The following NCAPD3 variants were observed in gnomAD, a reference collection of about 807,000 sequenced individuals.
NCAPD3 encodes condensin-2 complex subunit D3.
A neutral mutation model predicts 182.9 loss-of-function variants in NCAPD3; 105 were observed. The ratio of observed to expected loss-of-function variants is 0.57; its 90% CI spans 0.49 to 0.68. The LOEUF is 0.68. Ranked by LOEUF, NCAPD3 falls within the 30% of genes least tolerant of loss-of-function variation. The probability of loss-of-function intolerance (pLI) is 0.00; values close to 1 mark genes in which losing one functional copy is unlikely to be tolerated. For missense variants in NCAPD3, 1,944 were observed against 1,837.0 expected (o/e 1.06, Z -1.07); for synonymous variants, 815 against 679.9 (o/e 1.20, Z -3.09).
At position 134,164,106 on chromosome 11, in the gene NCAPD3, G is replaced by A. The variant is rs1308281523; in HGVS notation, c.3574-2215C>T. Among the ~76,000 whole-genome samples the A allele has an allele frequency of 3.3e-5, 5 of 152,096 alleles. No homozygotes were observed. In the South Asian group the frequency reaches 1.0e-3, roughly 32 times the overall value. ...TCCTTGGAGTCAAAAGCCTCCAGAG[G>A]CCAGGTGGGAAATACACATTGGCAA... is the stretch of plus-strand genomic sequence containing the variant. On this transcript the variant is annotated intron_variant, in intron 27 of 34. Transcript: ENST00000534548.
intron 24 of NCAPD3, among the ~76,000 whole-genome samples, chr11:134,170,993 G>C (rs1407809849): frequency 6.6e-6 from 1 of 152,194 alleles, no homozygotes; most frequent in Non-Finnish European, 1.5e-5. Flanking sequence ...TTTCTTGTTT[G>C]TCTGCTGAAA....
intron 22 of NCAPD3, chr11:134,177,678 T>C (rs939751891): frequency 3.5e-6 from 2 of 564,120 alleles, no homozygotes; most frequent in Non-Finnish European, 6.3e-6. Flanking sequence ...TTATATACTA[T>C]GGGATGTTCC....
Position 134,152,811 on chromosome 11 carries a change from G to A in NCAPD3, c.*133C>T. The A allele has an allele frequency of 1.5e-6, 1 of 681,812 alleles. No homozygotes were observed. Among genetic ancestry groups the A allele is most frequent in the Non-Finnish European group, 2.5e-6 (1 of 396,212 alleles). 42.2% of individuals were successfully genotyped at this position (681,812 alleles called of 1,614,324 possible). On this transcript the variant is annotated 3_prime_UTR_variant, in exon 35 of 35. Coordinates refer to ENST00000534548, the MANE Select transcript of NCAPD3 (RefSeq NM_015261.3). ...AGAAGGTGAGTGCCAGGCCCCTGAG[G>A]AGGAGCTCTCGTGTTCCACAGCAAA...
In NCAPD3 at chr11:134,192,708, T is replaced by C; in HGVS notation, c.2026A>G (p.Thr676Ala). Residue 676 changes from threonine to alanine, a missense_variant, in exon 16 of 35, where the codon ACC (threonine) becomes GCC (alanine). Transcript: ENST00000534548. Reference protein sequence around the residue: ...LAWALLTLLTTESQELSRYLN... With the variant: ...LAWALLTLLTAESQELSRYLN... ...ACCTACCTCAGTTCCTGGCTTTCGGTGGTGAGGAGAGTAAGAAGCGCCCAG... is the reference window on the plus strand; with the variant it reads ...ACCTACCTCAGTTCCTGGCTTTCGGCGGTGAGGAGAGTAAGAAGCGCCCAG... 1.2e-6 allele frequency: 2 copies of C among 1,614,064 alleles called. No homozygotes were observed. Among genetic ancestry groups the C allele is most frequent in the Non-Finnish European group, 1.7e-6 (2 of 1,179,938 alleles).
At position 134,185,414 on chromosome 11, in the gene NCAPD3, T is replaced by C. The variant is rs781647807; in HGVS notation, c.2158A>G (p.Met720Val). ...GAGCCAGCAATCTTGGAGAGCAGCA[T>C]CCAGGCAGGTGCCGAATGTTCCGTG... ...TGTEHSAPAW[M>V]LLSKIAGSSP... is the part of the protein sequence containing the mutation. Residue 720 changes from methionine to valine, a missense_variant, in exon 17 of 35, where the codon ATG becomes GTG. This residue lies in a region of NCAPD3 where 1,803 missense variants were observed against 1,674.6 expected (regional missense o/e 1.08). Coordinates refer to ENST00000534548, the MANE Select transcript of NCAPD3 (RefSeq NM_015261.3). 8.5e-5 allele frequency: 137 copies of C among 1,613,994 alleles called. No individual in the cohort carries two copies. The South Asian group carries it at 1.5e-3, about 17-fold the overall frequency.
chr11:134,158,670 C>G (rs547632719), intron 29 of NCAPD3, among the ~76,000 whole-genome samples, 175 bp from the exon 30 acceptor site: 1 of 152,282 alleles, frequency 6.6e-6, no homozygotes, highest in South Asian at 2.1e-4. Context: ...AGTATCTTTT[C>G]TTTGTGTTGG....
At chr11:134,172,080 A>T (rs1363558435) in intron 24 of NCAPD3, among the ~76,000 whole-genome samples, 1 of 152,170 alleles carries the variant, frequency 6.6e-6, no homozygotes, top group African/African-American at 2.4e-5. Context: ...ACTGGAAGAC[A>T]GCTGGAAGTG....
intron 16 of NCAPD3, chr11:134,185,951 A>G (rs966161602): frequency 1.4e-5 from 2 of 144,834 alleles, no homozygotes; most frequent in Admixed American, 7.1e-5. Flanking sequence ...TCTGTCGCCC[A>G]GGCTGGAGTG....
rs1484888966 is a variant in NCAPD3 at position 134,203,799 on chromosome 11, A to G, written c.1323T>C (p.His441=). ...LSLEHQKFLK[H]KFLVQEIMFD... ...ACATAATTTCCTGCACCAGGAACTTATGCTTTAAGAACTTCTGATGCTCCA... is the reference window on the plus strand; with the variant it reads ...ACATAATTTCCTGCACCAGGAACTTGTGCTTTAAGAACTTCTGATGCTCCA... Residue 441 remains histidine, a synonymous_variant, in exon 11 of 35, where the codon CAT becomes CAC. Coordinates refer to ENST00000534548, the MANE Select transcript of NCAPD3 (RefSeq NM_015261.3). 6.2e-7 allele frequency: 1 copy of G among 1,614,094 alleles called. No homozygotes were observed. The highest frequency in any genetic ancestry group is 1.3e-5 in the African/African-American group (1 of 74,934).
At chr11:134,165,897 G>C (rs1212862897) in intron 27 of NCAPD3, among the ~76,000 whole-genome samples, 23 of 126,732 alleles carry the variant, frequency 1.8e-4, no homozygotes, top group African/African-American at 4.6e-4. Flanking sequence ...CTTGGGGGAG[G>C]GGCACACTCA....
chr11:134,185,530 G>GA lies in NCAPD3; in HGVS notation c.2046-5dup, dbSNP rs761642300. The GA allele has an allele frequency of 4.3e-3, 5,985 of 1,379,116 alleles. No homozygotes were observed. Among genetic ancestry groups the GA allele is most frequent in the South Asian group, 7.6e-3 (533 of 70,356 alleles). The allele number at this position is 1,379,116 out of a possible 1,614,324, so 85.4% of individuals were successfully genotyped here. ...AAAAGCCTTATTTAAATATCGGCTG[G>GA]AAAAAAAAAAGATAGAAAAGCAGAA... On this transcript the variant is annotated splice_polypyrimidine_tract_variant and splice_region_variant and intron_variant, in intron 16 of 34. Transcript: ENST00000534548.
Position 134,223,956 on chromosome 11 carries a change from T to A in NCAPD3, c.-30A>T. 1 of 1,608,052 alleles carries A rather than the reference T, an allele frequency of 6.2e-7. No homozygotes were observed. The highest frequency in any genetic ancestry group is 1.1e-5 in the South Asian group (1 of 90,174). On this transcript the variant is annotated 5_prime_UTR_variant, in exon 1 of 35. Coordinates refer to ENST00000534548, the MANE Select transcript of NCAPD3 (RefSeq NM_015261.3). ...CCAGGGCACCGGCTCGCCGCCGCCG[T>A]GCTCAACTTTCAAAGCTCGCTCCCG...
At chr11:134,188,388 A>C (rs1188644814) in intron 16 of NCAPD3, among the ~76,000 whole-genome samples, 1 of 152,218 alleles carries the variant, frequency 6.6e-6, no homozygotes, top group Non-Finnish European at 1.5e-5. Flanking sequence ...CAAATAAGGG[A>C]ATAAAAGCTG....
intron 7 of NCAPD3, among the ~76,000 whole-genome samples, chr11:134,207,461 A>AT (rs1309168756): frequency 6.6e-6 from 1 of 152,110 alleles, no homozygotes; most frequent in African/African-American, 2.4e-5. Context: ...TTAAAAAAAA[A>AT]TACCGACTGG....
At chr11:134,158,538 A>T in intron 29 of NCAPD3, 43 bp from the exon 30 acceptor site, 1 of 1,579,776 alleles carries the variant, frequency 6.3e-7, no homozygotes, top group Non-Finnish European at 8.6e-7. Flanking sequence ...AATACTTTTT[A>T]AGTTTTCAAA....
At chr11:134,191,201 G>A (rs901690942) in intron 16 of NCAPD3, among the ~76,000 whole-genome samples, 1 of 152,246 alleles carries the variant, frequency 6.6e-6, no homozygotes, top group Non-Finnish European at 1.5e-5. Context: ...TTGTTTGTTT[G>A]TTTTAATGTC....
chr11:134,174,550 AAGGG>A (rs1944112360), intron 24 of NCAPD3, among the ~76,000 whole-genome samples: 1 of 152,068 alleles, frequency 6.6e-6, no homozygotes, highest in South Asian at 2.1e-4. Flanking sequence ...GAGTTAAAAA[AAGGG>A]AGGGTCACAG....
At chr11:134,191,858 T>G (rs565836278) in intron 16 of NCAPD3, among the ~76,000 whole-genome samples, 1 of 152,332 alleles carries the variant, frequency 6.6e-6, no homozygotes, top group African/African-American at 2.4e-5. Flanking sequence ...ACACCTTGTA[T>G]GCACAGCCGG....
At chr11:134,164,480 C>T (rs1943697771) in intron 27 of NCAPD3, among the ~76,000 whole-genome samples, 1 of 152,192 alleles carries the variant, frequency 6.6e-6, no homozygotes, top group South Asian at 2.1e-4. Flanking sequence ...AAGTCAGCAC[C>T]AGAGCATGGC....
Sources: gnomAD v4.1 joint callset for allele counts (sites outside exome capture counted in the v4.1 genomes callset) on GRCh38, gnomAD v4.1.1 for gene constraint, gnomAD v4.1.1 regional missense constraint, MANE v1.5 for transcripts, NCBI Gene and HGNC (gene_info 2026-07-23, HGNC 2026-07-21) for gene names.